Variants in SON observed in about 807,000 individuals in gnomAD.
SON encodes the protein protein SON.
In SON, 4 loss-of-function variants were observed where a neutral mutation model predicts 173.3. That is an observed-to-expected ratio of 0.02 (90% CI 0.01 to 0.05). The LOEUF is 0.05. Ranked by LOEUF, SON falls within the 10% of genes least tolerant of loss-of-function variation. SON has a pLI of 1.00. For missense variants in SON, 2,626 were observed against 3,055.3 expected (o/e 0.86, Z 3.31); for synonymous variants, 1,190 against 1,105.9 (o/e 1.08, Z -1.51).
rs1221593307 is a variant in SON, at chr21:33,554,785, T to C, written c.5554T>C (p.Ser1852Pro). 6.2e-7 allele frequency: 1 copy of C among 1,613,708 alleles called. No homozygotes were observed. The highest frequency in any genetic ancestry group is 2.2e-5 in the East Asian group (1 of 44,892). Reference sequence around the variant, plus strand: ...TCGTTCTAGGGCAAGAAAGAGATCATCTAAGTCCAAGTCTCATCGCTCTCA... The same window carrying C: ...TCGTTCTAGGGCAAGAAAGAGATCACCTAAGTCCAAGTCTCATCGCTCTCA... ...ESRSRARKRS[S>P]KSKSHRSQTR... The change falls in exon 3 of 12, where the codon TCT becomes CCT. Residue 1852 changes from serine to proline, a missense_variant. This residue lies in a region of SON where 1,006 missense variants were observed against 895.6 expected (regional missense o/e 1.12). Transcript: ENST00000356577.
In SON at chr21:33,555,115, C is replaced by T. The variant is rs779836991; in HGVS notation, c.5884C>T (p.Arg1962Cys). The T allele has an allele frequency of 3.3e-6, 5 of 1,518,954 alleles. No homozygotes were observed. Among genetic ancestry groups the T allele is most frequent in the Non-Finnish European group, 4.4e-6 (5 of 1,137,896 alleles). The allele number at this position is 1,518,954 out of a possible 1,614,324, so 94.1% of individuals were successfully genotyped here. ...AAGCCGCCGCAGCCGCACCCCCAGC[C>T]GCCGCAGCCGCACCCCCAGCCGCCG... ...SPSRRSRTPS[R>C]RSRTPSRRSR... The change falls in exon 3 of 12, where the codon CGC (arginine) becomes TGC (cysteine). Residue 1962 changes from arginine to cysteine, a missense_variant. Transcript: ENST00000356577.
intron 6 of SON, chr21:33,560,711 TCTTA>T (rs1156646218): frequency 1.3e-5 from 8 of 615,644 alleles, no homozygotes; most frequent in Non-Finnish European, 1.6e-5. Context: ...GAGGGTGGAG[TCTTA>T]ATAGGGGGGT....
In SON at chr21:33,577,083, G is replaced by GTA. The variant is rs1206876197; in HGVS notation, c.*661_*662dup. On this transcript the variant is annotated 3_prime_UTR_variant, in exon 12 of 12. Transcript: ENST00000356577. Reference sequence around the variant, plus strand: ...TTGTAGAGGTTCTAAAAAGAAAGTGGTATGTTGTGTGATGATCAGCACTAA... The same window carrying GTA: ...TTGTAGAGGTTCTAAAAAGAAAGTGGTATATGTTGTGTGATGATCAGCACTAA... 6.3e-6 allele frequency: 1 copy of GTA among 159,778 alleles called. No homozygotes were observed. The highest frequency in any genetic ancestry group is 1.4e-5 in the Non-Finnish European group (1 of 71,552). 9.9% of individuals were successfully genotyped at this position (159,778 alleles called of 1,614,324 possible). A position where few individuals can be genotyped will look rare whatever the true frequency, so the allele number is the denominator to read the frequency against.
At position 33,567,192 on chromosome 21, in the gene SON, A is replaced by C; in HGVS notation, c.6693A>C (p.Ala2231=). ...TCTCTACAGCAATGAGTGAACGGGC[A>C]CTTGCTCAGAAAAGACTCAGTGAGA... ...VDISTAMSER[A]LAQKRLSENA... The change falls in exon 7 of 12, where the codon GCA becomes GCC. Residue 2231 remains alanine (A), a synonymous_variant. Transcript: ENST00000356577. 1 of 1,611,138 alleles carries C rather than the reference A, an allele frequency of 6.2e-7. No individual in the cohort carries two copies. Among genetic ancestry groups the C allele is most frequent in the Non-Finnish European group, 8.5e-7 (1 of 1,177,552 alleles).
intron 3 of SON, 68 bp downstream of exon 3, chr21:33,555,459 T>A (rs2085948770): frequency 1.4e-6 from 2 of 1,384,130 alleles, no homozygotes; most frequent in Non-Finnish European, 1.9e-6. Flanking sequence ...TTTTCTGACC[T>A]TGAGTCAAGT....
At chr21:33,557,849 T>A in intron 4 of SON, 1 of 492,192 alleles carries the variant, frequency 2.0e-6, no homozygotes, top group Non-Finnish European at 3.4e-6. Context: ...CCATTATCAG[T>A]TCTTCCTGCG....
intron 8 of SON, among the ~76,000 whole-genome samples, chr21:33,570,468 G>A (rs964853642): frequency 6.6e-6 from 1 of 152,114 alleles, no homozygotes; most frequent in Non-Finnish European, 1.5e-5. Context: ...GCACTGATGT[G>A]TATAGTGAGT....
intron 2 of SON, among the ~76,000 whole-genome samples, chr21:33,548,149 ATCTCT>A (rs1279306698): frequency 6.6e-6 from 1 of 152,154 alleles, no homozygotes; most frequent in Non-Finnish European, 1.5e-5. Flanking sequence ...GAATACTCCC[ATCTCT>A]TTAGGGTATG....
intron 6 of SON, among the ~76,000 whole-genome samples, chr21:33,561,263 C>T (rs2086065648): frequency 6.6e-6 from 1 of 152,076 alleles, no homozygotes. Context: ...GTTGTTAATC[C>T]CCCAATCAGG....
rs756936782 is a variant in SON, at chr21:33,559,922, C to T, written c.6657+147C>T. The T allele has an allele frequency of 5.8e-5, 94 of 1,612,652 alleles. No homozygotes were observed. Among genetic ancestry groups the T allele is most frequent in the Non-Finnish European group, 7.8e-5 (92 of 1,178,986 alleles). ...CCGGGTTAGACGACAGATGAAACAA[C>T]CCGCAGCTTCTCATTTGACAGTAAC... On this transcript the variant is annotated intron_variant, in intron 6 of 11. Transcript: ENST00000356577. This position sits in a 1 kb window ranked among gnomAD's most constrained non-coding sequence, Gnocchi z 4.1.
rs144550986 is a variant in SON, at chr21:33,551,532, A to T, written c.2301A>T (p.Ala767=). 6.2e-7 allele frequency: 1 copy of T among 1,613,032 alleles called. No individual in the cohort carries two copies. Among genetic ancestry groups the T allele is most frequent in the Non-Finnish European group, 8.5e-7 (1 of 1,179,398 alleles). The change falls in exon 3 of 12, where the codon GCA becomes GCT. Residue 767 remains alanine, a synonymous_variant. Coordinates refer to ENST00000356577, the MANE Select transcript of SON (RefSeq NM_138927.4). ...ASSTMDSQML[A]TSSMDSQMLA... The stretch of plus-strand genomic sequence containing the variant: ...GCACCATGGACTCCCAGATGTTAGC[A>T]ACTAGCTCCATGGACTCCCAGATGT...
Position 33,554,969 on chromosome 21 carries a change from A to G in SON, c.5738A>G (p.Asp1913Gly). The change falls in exon 3 of 12, where the codon GAT (aspartate) becomes GGT (glycine). Residue 1913 changes from aspartate to glycine, a missense_variant. Physicochemically the swap from Asp to Gly is moderately conservative, Grantham distance 94 (BLOSUM62 -1). Around this residue, in one of 13 missense-constraint regions of SON, gnomAD observed 1,006 missense variants for 895.6 expected, o/e 1.12. Coordinates refer to ENST00000356577, the MANE Select transcript of SON (RefSeq NM_138927.4). ...AAAAGAAAAAGATCAAGCTCCAGGGATAACCGAAAGACAGTTAGAGCTCGA... is the reference window on the plus strand; with the variant it reads ...AAAAGAAAAAGATCAAGCTCCAGGGGTAACCGAAAGACAGTTAGAGCTCGA... ...ERKRKRSSSR[D>G]NRKTVRARSR... The G allele has an allele frequency of 6.2e-7, 1 of 1,613,936 alleles. No homozygotes were observed. Among genetic ancestry groups the G allele is most frequent in the Non-Finnish European group, 8.5e-7 (1 of 1,180,024 alleles).
Position 33,550,464 on chromosome 21 carries a change from C to T in SON, c.1233C>T (p.Thr411=), listed in dbSNP as rs527879121. ...TGGAGTTACCTGGGCCCTCTGCTAC[C>T]CCGGTGCCAGAGTTGCCAGGGCCCC... is the stretch of plus-strand genomic sequence containing the variant. ...PVLELPGPSA[T]PVPELPGPLS... Residue 411 remains threonine, a synonymous_variant, in exon 3 of 12, where the codon ACC becomes ACT. Coordinates refer to ENST00000356577, the MANE Select transcript of SON (RefSeq NM_138927.4). The T allele has an allele frequency of 1.9e-6, 3 of 1,613,882 alleles. No individual in the cohort carries two copies. The highest frequency in any genetic ancestry group is 1.1e-5 in the South Asian group (1 of 91,076).
At chr21:33,545,063 ATAGT>A (rs1298167952) in intron 1 of SON, among the ~76,000 whole-genome samples, 1 of 152,168 alleles carries the variant, frequency 6.6e-6, no homozygotes, top group African/African-American at 2.4e-5. Flanking sequence ...TGACATTTAG[ATAGT>A]TAAAACAAGT....
intron 6 of SON, chr21:33,560,273 T>C: frequency 6.9e-7 from 1 of 1,446,294 alleles, no homozygotes; most frequent in Non-Finnish European, 9.1e-7. Context: ...TTTCTTACTG[T>C]TTCTCTGGGT....
At chr21:33,564,887 C>T (rs1004899586) in intron 6 of SON, among the ~76,000 whole-genome samples, 20 of 140,818 alleles carry the variant, frequency 1.4e-4, no homozygotes, top group Admixed American at 4.2e-4. Context: ...AAAAATGAAA[C>T]CAGTAGTCAA....
chr21:33,557,024 TC>T (rs2085981178), intron 3 of SON, 131 bp from the exon 4 acceptor site: 3 of 682,942 alleles, frequency 4.4e-6, no homozygotes, highest in African/African-American at 1.9e-5. Context: ...TTTTTTTTTT[TC>T]TTTTTTGTTA....
At chr21:33,575,282 C>T (rs62227707) in intron 9 of SON, among the ~76,000 whole-genome samples, 18,467 of 152,018 alleles carry the variant, frequency 0.12, 1,417 homozygotes, top group Admixed American at 0.17. Flanking sequence ...GAGATCCACC[C>T]GCCTCGGCCT....
At chr21:33,567,524 G>C in intron 7 of SON, 1 of 444,692 alleles carries the variant, frequency 2.2e-6, no homozygotes, top group Non-Finnish European at 4.2e-6. Flanking sequence ...TGTCCTCACA[G>C]AGTTTACAAT....
Sources: gnomAD v4.1 joint callset for allele counts (sites outside exome capture counted in the v4.1 genomes callset) on GRCh38, gnomAD v4.1.1 for gene constraint, gnomAD v4.1.1 regional missense constraint, Gnocchi (gnomAD v3.1) non-coding constraint, MANE v1.5 for transcripts, NCBI Gene and HGNC (gene_info 2026-07-23, HGNC 2026-07-21) for gene names.